TBC1D4: variants seen among roughly 807,000 people sequenced by gnomAD.
TBC1D4 encodes the protein TBC1 domain family member 4, also known as TBC (Tre-2, BUB2, CDC16) domain-containing protein.
Under a neutral mutation model 142.5 loss-of-function variants are expected in TBC1D4, and 121 were observed. The ratio of observed to expected loss-of-function variants is 0.85; its 90% CI spans 0.73 to 0.99. The LOEUF (loss-of-function observed/expected upper bound fraction) is 0.99. Ranked by LOEUF, TBC1D4 falls within the 50% of genes least tolerant of loss-of-function variation. The pLI, the probability that TBC1D4 is intolerant of heterozygous loss-of-function variation, is 0.00. For missense variants in TBC1D4, 1,475 were observed against 1,606.6 expected (o/e 0.92, Z 1.40); for synonymous variants, 630 against 628.2 (o/e 1.00, Z -0.04).
At chr13:75,458,561 C>A (rs181419035) in intron 1 of TBC1D4, among the ~76,000 whole-genome samples, 75 of 152,292 alleles carry the variant, frequency 4.9e-4, no homozygotes, top group African/African-American at 1.6e-3. Context: ...GGGAACCGCC[C>A]TCTTTTACCT....
chr13:75,466,353 G>T (rs902835398), intron 1 of TBC1D4, among the ~76,000 whole-genome samples: 3 of 152,082 alleles, frequency 2.0e-5, no homozygotes, highest in African/African-American at 7.2e-5. Context: ...TACTCCATCC[G>T]CACTAGAAAA....
chr13:75,389,084 A>G (rs966649274), intron 1 of TBC1D4, among the ~76,000 whole-genome samples: 1 of 152,240 alleles, frequency 6.6e-6, no homozygotes, highest in Non-Finnish European at 1.5e-5. Flanking sequence ...AGTGCTCACT[A>G]AAATAGTAGC....
rs1886652042 is a variant in TBC1D4, at chr13:75,432,958, A to G, written c.498+48312T>C. Among the ~76,000 whole-genome samples the G allele has an allele frequency of 2.6e-5, 4 of 151,328 alleles. No homozygotes were observed. The South Asian group carries it at 8.4e-4, about 32-fold the overall frequency. On this transcript the variant is annotated intron_variant, in intron 1 of 20. Coordinates refer to ENST00000377636, the MANE Select transcript of TBC1D4 (RefSeq NM_014832.5). ...CTGACTCAAAAAAAAAAAAAAAATC[A>G]TGCCTGTCTGTCACAATGCCTATGC...
At chr13:75,369,597 A>AC (rs1236162546) in intron 1 of TBC1D4, among the ~76,000 whole-genome samples, 1 of 152,168 alleles carries the variant, frequency 6.6e-6, no homozygotes, top group Admixed American at 6.5e-5. Flanking sequence ...TCATGCTGTT[A>AC]AAGGGTTTCT....
At chr13:75,340,999 G>A in intron 7 of TBC1D4, 126 bp downstream of exon 7, 3 of 801,154 alleles carry the variant, frequency 3.7e-6, no homozygotes, top group Non-Finnish European at 4.4e-6. Context: ...GGGCGGGGGA[G>A]TGAGGGGGTA....
chr13:75,476,615 A>G (rs1888639730), intron 1 of TBC1D4, among the ~76,000 whole-genome samples: 1 of 152,352 alleles, frequency 6.6e-6, no homozygotes, highest in East Asian at 1.9e-4. Flanking sequence ...ATTAAGCTAG[A>G]AGATGAAGAG....
chr13:75,351,010 C>T (rs1384384163), intron 4 of TBC1D4, among the ~76,000 whole-genome samples: 1 of 152,084 alleles, frequency 6.6e-6, no homozygotes, highest in Non-Finnish European at 1.5e-5. Flanking sequence ...AGTCTAGATA[C>T]AACTGCAACA....
At chr13:75,458,988 C>G (rs1887854495) in intron 1 of TBC1D4, among the ~76,000 whole-genome samples, 1 of 152,070 alleles carries the variant, frequency 6.6e-6, no homozygotes, top group African/African-American at 2.4e-5. Context: ...TCAAGAGTCT[C>G]CCTCCTTACC....
chr13:75,351,679 T>A (rs1026275658), intron 4 of TBC1D4, among the ~76,000 whole-genome samples: 2 of 151,922 alleles, frequency 1.3e-5, no homozygotes, highest in East Asian at 3.9e-4. Context: ...GTTTGGTTTT[T>A]TTGTCCTTGC....
rs1280441316 is a variant in TBC1D4, at chr13:75,381,470, G to A, written c.499-18863C>T. ...ATTTCTCCAATGATTTAAATTTCTT[G>A]TGTATGCTTAAAAAGAAACAGGGGC... On this transcript the variant is annotated intron_variant, in intron 1 of 20. Coordinates refer to ENST00000377636, the MANE Select transcript of TBC1D4 (RefSeq NM_014832.5). Among the ~76,000 whole-genome samples the A allele has an allele frequency of 2.6e-5, 4 of 152,170 alleles. No homozygotes were observed. The East Asian group carries it at 7.7e-4, about 29-fold the overall frequency.
At chr13:75,393,528 G>A (rs1489800159) in intron 1 of TBC1D4, among the ~76,000 whole-genome samples, 1 of 152,130 alleles carries the variant, frequency 6.6e-6, no homozygotes, top group East Asian at 1.9e-4. Flanking sequence ...GCACAGGCGA[G>A]ACCTACAAAC....
chr13:75,341,462 A>G (rs769445398), intron 6 of TBC1D4, 34 bp downstream of exon 6: 34 of 1,590,456 alleles, frequency 2.1e-5, no homozygotes, highest in Non-Finnish European at 2.8e-5. Flanking sequence ...CTCATTCCTT[A>G]TGTCTTATTT....
chr13:75,286,764 A>C lies in TBC1D4; in HGVS notation c.*28T>G, dbSNP rs567065210. Reference sequence around the variant, plus strand: ...TCCTCTCTGTAGTATTCTAAGGAGCACTTTCTGCTGAGGCCGTGCCTCTTC... The same window carrying C: ...TCCTCTCTGTAGTATTCTAAGGAGCCCTTTCTGCTGAGGCCGTGCCTCTTC... On this transcript the variant is annotated 3_prime_UTR_variant, in exon 21 of 21. Coordinates refer to ENST00000377636, the MANE Select transcript of TBC1D4 (RefSeq NM_014832.5). 4.4e-6 allele frequency: 7 copies of C among 1,605,436 alleles called. No individual in the cohort carries two copies. The highest frequency in any genetic ancestry group is 6.0e-6 in the Non-Finnish European group (7 of 1,174,176).
intron 1 of TBC1D4, among the ~76,000 whole-genome samples, chr13:75,450,590 C>T (rs527797471): frequency 1.3e-5 from 2 of 152,252 alleles, no homozygotes; most frequent in Admixed American, 6.5e-5. Flanking sequence ...CCTGGAGCAT[C>T]GGTTTGTGAC....
Position 75,481,467 on chromosome 13 carries a change from C to A in TBC1D4, c.301G>T (p.Ala101Ser). The A allele has an allele frequency of 6.2e-7, 1 of 1,613,414 alleles. No individual in the cohort carries two copies. The highest frequency in any genetic ancestry group is 8.5e-7 in the Non-Finnish European group (1 of 1,179,550). ...GCCGACGGACTAGTGCCCCCCGAGGCCCCAGCGCCCGGCGCGGGGACGCAA... is the reference window on the plus strand; with the variant it reads ...GCCGACGGACTAGTGCCCCCCGAGGACCCAGCGCCCGGCGCGGGGACGCAA... ...LRCVPAPGAGASGGTSPSATQ... is the reference protein window; with the variant it reads ...LRCVPAPGAGSSGGTSPSATQ... The change falls in exon 1 of 21, where the codon GCC becomes TCC. Residue 101 changes from alanine (A) to serine (S), a missense_variant. Coordinates refer to ENST00000377636, the MANE Select transcript of TBC1D4 (RefSeq NM_014832.5).
In TBC1D4 at chr13:75,349,213, G is replaced by A; in HGVS notation, c.1365C>T (p.Ala455=). The change falls in exon 5 of 21, where the codon GCC becomes GCT. Residue 455 remains alanine (A), a synonymous_variant. Transcript: ENST00000377636. ...SAKTQIKLCE[A]CPMHSLHKLC... ...GCTTATGCAAAGAGTGCATCGGGCA[G>A]GCCTCACACAGTTTAATCTGCGTCT... The A allele has an allele frequency of 6.2e-7, 1 of 1,613,952 alleles. No homozygotes were observed. The highest frequency in any genetic ancestry group is 8.5e-7 in the Non-Finnish European group (1 of 1,179,944).
intron 1 of TBC1D4, chr13:75,375,694 T>C (rs1883456713): frequency 6.6e-6 from 1 of 151,946 alleles, no homozygotes; most frequent in Non-Finnish European, 1.5e-5. Flanking sequence ...TGCAACTGTA[T>C]TCCAGGGAGC....
chr13:75,312,779 G>A lies in TBC1D4; in HGVS notation c.2342C>T (p.Ala781Val). The change falls in exon 13 of 21, where the codon GCT (alanine) becomes GTT (valine). Residue 781 changes from alanine (A) to valine (V), a missense_variant. Transcript: ENST00000377636. ...SWRQRIFLRVASPMNKSPSAM... is the reference protein window; with the variant it reads ...SWRQRIFLRVVSPMNKSPSAM... ...TGAGGGAGATTTGTTCATGGGAGAA[G>A]CAACCCTGAGGAAAATGCGCTGCCG... 6.2e-7 allele frequency: 1 copy of A among 1,614,220 alleles called. No homozygotes were observed. Among genetic ancestry groups the A allele is most frequent in the Non-Finnish European group, 8.5e-7 (1 of 1,180,040 alleles).
chr13:75,393,912 A>G (rs1483197059), intron 1 of TBC1D4, among the ~76,000 whole-genome samples: 1 of 146,732 alleles, frequency 6.8e-6, no homozygotes, highest in Admixed American at 6.9e-5. Flanking sequence ...GGGCAACAAG[A>G]GCAAAACTCT....
Sources: allele counts gnomAD v4.1 joint callset (sites outside exome capture counted in the v4.1 genomes callset), GRCh38; gene constraint gnomAD v4.1.1; transcripts MANE v1.5; gene names NCBI Gene and HGNC (gene_info 2026-07-23, HGNC 2026-07-21).